Variants in FAM185A observed in about 807,000 individuals in gnomAD.
The protein encoded by FAM185A is protein FAM185A.
In FAM185A, 21 loss-of-function variants were observed where a neutral mutation model predicts 45.7. The ratio of observed to expected loss-of-function variants is 0.46; its 90% confidence interval spans 0.33 to 0.66. The LOEUF is 0.66. FAM185A is among the 30% of genes least tolerant of loss of function. The pLI is 0.03. For synonymous variants in FAM185A, 117 were observed against 194.0 expected (o/e 0.60, Z 3.30); for missense variants, 305 against 485.4 (o/e 0.63, Z 3.49).
At chr7:102,843,502 C>T in the FAM185A span, among the ~76,000 whole-genome samples, 6 of 151,922 alleles carry the variant, frequency 3.9e-5, no homozygotes, top group African/African-American at 9.7e-5. Flanking sequence ...AGGCTGGGTA[C>T]GGTGGCTCAC....
the FAM185A span, among the ~76,000 whole-genome samples, chr7:102,818,838 G>A: frequency 2.0e-5 from 3 of 152,266 alleles, 1 homozygote; most frequent in Admixed American, 2.0e-4. Context: ...AAGATGTACA[G>A]GTTTGTGACA....
chr7:102,816,722 G>T, the FAM185A span, among the ~76,000 whole-genome samples: 4 of 152,170 alleles, frequency 2.6e-5, no homozygotes, highest in African/African-American at 9.7e-5. Context: ...GCCAAATAGT[G>T]AACATAATGC....
rs1797271208 is a variant in FAM185A at position 102,808,706 on chromosome 7, CT to C, written c.*305del. 1 of 257,478 alleles carries C rather than the reference CT, an allele frequency of 3.9e-6. No individual in the cohort carries two copies. The highest frequency in any genetic ancestry group is 8.9e-5 in the East Asian group (1 of 11,196). The allele number at this position is 257,478 out of a possible 1,614,324, so 15.9% of individuals were successfully genotyped here. A position where few individuals can be genotyped will look rare whatever the true frequency, so the allele number is the denominator to read the frequency against. ...GATTTTGGCCAGGCTGAGTTCTCAT[CT>C]GGAGTCTCTGGGAAGAAATCTACTT... is the stretch of plus-strand genomic sequence containing the variant. On this transcript the variant is annotated 3_prime_UTR_variant, in exon 8 of 8. Transcript: ENST00000413034.
rs189868126 is a variant in FAM185A, at chr7:102,787,209, A to G, written c.932-126A>G. The G allele has an allele frequency of 6.6e-5, 63 of 958,844 alleles. No homozygotes were observed. In the African/African-American group the frequency reaches 8.4e-4, roughly 13 times the overall value. 59.4% of individuals were successfully genotyped at this position (958,844 alleles called of 1,614,324 possible). On this transcript the variant is annotated intron_variant, in intron 6 of 7. Coordinates refer to ENST00000413034, the MANE Select transcript of FAM185A (RefSeq NM_001145268.2). ...GGGAATAAGGAAAAGGTTTAAATAA[A>G]TACTGTATGCTGAGGAGTAAAAACA...
At chr7:102,807,383 A>G (rs1317797468) in intron 7 of FAM185A, among the ~76,000 whole-genome samples, 2 of 152,172 alleles carry the variant, frequency 1.3e-5, no homozygotes, top group Non-Finnish European at 2.9e-5. Flanking sequence ...ACTCCAGTAA[A>G]GCTCTTTTTA....
chr7:102,798,475 C>G (rs1459241620), intron 7 of FAM185A, among the ~76,000 whole-genome samples: 1 of 152,060 alleles, frequency 6.6e-6, no homozygotes, highest in Non-Finnish European at 1.5e-5. Flanking sequence ...TGTTCTTTTT[C>G]TTGAGAGCAG....
At chr7:102,755,085 T>C (rs1420792192) in intron 2 of FAM185A, 7 of 380,662 alleles carry the variant, frequency 1.8e-5, no homozygotes, top group Middle Eastern at 6.5e-4. Flanking sequence ...TGTAAGTTCA[T>C]GTGAGCTTGG....
intron 7 of FAM185A, among the ~76,000 whole-genome samples, chr7:102,807,586 A>G (rs1237252557): frequency 6.6e-6 from 1 of 152,172 alleles, no homozygotes; most frequent in Non-Finnish European, 1.5e-5. Flanking sequence ...GCTGGTCCCA[A>G]GCATTTTAGA....
chr7:102,804,310 G>C (rs1224741807), intron 7 of FAM185A, among the ~76,000 whole-genome samples: 1 of 152,168 alleles, frequency 6.6e-6, no homozygotes. Flanking sequence ...CACCAAAACA[G>C]CATGGTACTG....
intron 6 of FAM185A, among the ~76,000 whole-genome samples, chr7:102,785,339 C>G (rs1243558158): frequency 1.3e-5 from 2 of 149,990 alleles, no homozygotes; most frequent in South Asian, 4.3e-4. Context: ...CTTTAAAGTT[C>G]ATATGGAACC....
chr7:102,790,863 CAGTT>C (rs1796099641), intron 7 of FAM185A, among the ~76,000 whole-genome samples: 1 of 152,122 alleles, frequency 6.6e-6, no homozygotes, highest in Non-Finnish European at 1.5e-5. Flanking sequence ...TTTATTTGCT[CAGTT>C]ACTCAACAAA....
At chr7:102,845,169 T>C in the FAM185A span, among the ~76,000 whole-genome samples, 2 of 152,110 alleles carry the variant, frequency 1.3e-5, no homozygotes, top group Non-Finnish European at 2.9e-5. Flanking sequence ...GGATGGGGAA[T>C]GGAGCAGAAA....
chr7:102,788,040 C>G (rs1032700327), intron 7 of FAM185A, among the ~76,000 whole-genome samples: 4 of 152,178 alleles, frequency 2.6e-5, no homozygotes, highest in African/African-American at 9.7e-5. Flanking sequence ...TCTTGGCTCA[C>G]TGCAACCTCC....
intron 7 of FAM185A, among the ~76,000 whole-genome samples, chr7:102,803,501 T>C (rs1796920065): frequency 6.6e-6 from 1 of 152,138 alleles, no homozygotes; most frequent in Non-Finnish European, 1.5e-5. Flanking sequence ...ATTAAAACTC[T>C]CAGCAAAATC....
the FAM185A span, among the ~76,000 whole-genome samples, chr7:102,822,999 C>G: frequency 2.0e-5 from 3 of 152,134 alleles, no homozygotes; most frequent in African/African-American, 7.2e-5. Flanking sequence ...GAGGTCAGTG[C>G]TTCAGTGAGC....
intron 4 of FAM185A, among the ~76,000 whole-genome samples, chr7:102,767,418 G>A (rs1794478132): frequency 2.0e-5 from 3 of 151,932 alleles, no homozygotes; most frequent in Non-Finnish European, 4.4e-5. Context: ...AACTGCAAAG[G>A]CTGAGATATG....
chr7:102,840,856 G>T, the FAM185A span, among the ~76,000 whole-genome samples: 1 of 152,100 alleles, frequency 6.6e-6, no homozygotes, highest in African/African-American at 2.4e-5. Context: ...AGGCCTATTA[G>T]AAGATTAAAA....
the FAM185A span, among the ~76,000 whole-genome samples, chr7:102,834,032 T>TGAAGGAAGGAAGGAAGGAAGGAAG: frequency 1.6e-4 from 12 of 75,468 alleles, no homozygotes; most frequent in Non-Finnish European, 1.9e-4. Flanking sequence ...GAAACCATGA[T>TGAAGGAAGGAAGGAAGGAAGGAAG]GAAGGAAGGA....
the FAM185A span, among the ~76,000 whole-genome samples, chr7:102,839,735 T>G: frequency 1.3e-5 from 2 of 152,198 alleles, no homozygotes; most frequent in Non-Finnish European, 2.9e-5. Context: ...TGTGAGCCAC[T>G]GTGCCTGGCA....
Sources: gnomAD v4.1 joint callset for allele counts (sites outside exome capture counted in the v4.1 genomes callset) on GRCh38, gnomAD v4.1.1 for gene constraint, MANE v1.5 for transcripts, NCBI Gene and HGNC (gene_info 2026-07-23, HGNC 2026-07-21) for gene names.